The following RASGRF1 variants were observed in gnomAD, a reference collection of about 807,000 sequenced individuals.
The protein encoded by RASGRF1 is Ras protein specific guanine nucleotide releasing factor 1.
RASGRF1 carries 40 observed loss-of-function variants against 138.7 expected under a neutral mutation model. The observed-to-expected ratio is 0.29, with a 90% confidence interval of 0.22 to 0.38. RASGRF1 has a LOEUF of 0.38. Ranked by LOEUF, RASGRF1 falls within the 10% of genes least tolerant of loss-of-function variation. The pLI is 1.00. For missense variants in RASGRF1, 1,108 were observed against 1,650.4 expected, an observed-to-expected ratio of 0.67 and a Z score of 5.69; for synonymous variants, 614 against 663.2, an observed-to-expected ratio of 0.93 and a Z score of 1.14.
At chr15:79,023,434 A>G (rs934731068) in intron 10 of RASGRF1, among the ~76,000 whole-genome samples, 13 of 152,146 alleles carry the variant, frequency 8.5e-5, no homozygotes, top group African/African-American at 3.1e-4. Context: ...TGAGGGATGG[A>G]GCTGGGACTG....
chr15:79,075,638 G>A (rs184210748), intron 1 of RASGRF1, among the ~76,000 whole-genome samples: 1 of 152,254 alleles, frequency 6.6e-6, no homozygotes, highest in African/African-American at 2.4e-5. Context: ...ACCACTGACA[G>A]TGGGGTGACC....
At chr15:79,023,036 T>G (rs986458963) in intron 10 of RASGRF1, among the ~76,000 whole-genome samples, 4 of 151,966 alleles carry the variant, frequency 2.6e-5, no homozygotes, top group Non-Finnish European at 5.9e-5. Context: ...TAGCCGGGCA[T>G]GGTGGTGGGC....
In RASGRF1 at chr15:79,039,289, C is replaced by A. The variant is rs184871946; in HGVS notation, c.879-4079G>T. ...TCCAGCCTGGGCAACAGAGTGAGACCCTGTCTCAAAAAAAAAAAAAAAAAA... is the reference window on the plus strand; with the variant it reads ...TCCAGCCTGGGCAACAGAGTGAGACACTGTCTCAAAAAAAAAAAAAAAAAA... On this transcript the variant is annotated intron_variant, in intron 5 of 26. Transcript: ENST00000558480. 1.6e-3 allele frequency among the ~76,000 whole-genome samples: 215 copies of A among 131,662 alleles called. 9 individuals are homozygous for A. In the East Asian group the frequency reaches 0.042, roughly 26 times the overall value. 86.4% of individuals were successfully genotyped at this position (131,662 alleles called of 152,430 possible). A position where few individuals can be genotyped will look rare whatever the true frequency, so the allele number is the denominator to read the frequency against.
intron 3 of RASGRF1, among the ~76,000 whole-genome samples, chr15:79,051,312 G>A (rs551082263): frequency 2.2e-4 from 34 of 152,328 alleles, no homozygotes; most frequent in African/African-American, 7.2e-4. Flanking sequence ...ATTGAAGAGT[G>A]GCTGAAAATA....
rs1596305435 is a variant in RASGRF1 at position 78,964,433 on chromosome 15, C to T, written c.3682-2197G>A. Among the ~76,000 whole-genome samples the T allele has an allele frequency of 2.6e-5, 4 of 152,310 alleles. No individual in the cohort carries two copies. The South Asian group carries it at 8.3e-4, about 32-fold the overall frequency. On this transcript the variant is annotated intron_variant, in intron 26 of 26. Transcript: ENST00000558480. Reference sequence around the variant, plus strand: ...CAGGTGATCCGCCTGCCTCGGCCTCCCAAAGTGCTGGGATCACAGGCATGA... The same window carrying T: ...CAGGTGATCCGCCTGCCTCGGCCTCTCAAAGTGCTGGGATCACAGGCATGA...
intron 5 of RASGRF1, among the ~76,000 whole-genome samples, chr15:79,037,827 A>G (rs900198035): frequency 2.6e-5 from 4 of 152,066 alleles, no homozygotes; most frequent in Non-Finnish European, 4.4e-5. Flanking sequence ...TTTAGAATCA[A>G]TGGGAGCCCT....
chr15:78,967,754 A>C (rs2055671076), intron 26 of RASGRF1, among the ~76,000 whole-genome samples: 1 of 152,184 alleles, frequency 6.6e-6, no homozygotes, highest in African/African-American at 2.4e-5. Flanking sequence ...AAAAATATAA[A>C]AACTATGCAT....
chr15:79,007,713 C>T (rs190169184), intron 13 of RASGRF1, among the ~76,000 whole-genome samples: 34 of 151,210 alleles, frequency 2.2e-4, no homozygotes, highest in East Asian at 5.8e-4. Flanking sequence ...CACTATGCCT[C>T]GCTAATTTTT....
chr15:79,036,222 C>T (rs2057220499), intron 5 of RASGRF1, among the ~76,000 whole-genome samples: 1 of 152,190 alleles, frequency 6.6e-6, no homozygotes, highest in Non-Finnish European at 1.5e-5. Flanking sequence ...GCCTTGGAGA[C>T]GTGGGGGTTT....
In RASGRF1 at chr15:79,067,064, C is replaced by A. The variant is rs139153970; in HGVS notation, c.277-2538G>T. Among the ~76,000 whole-genome samples, 154 of 152,284 alleles carry A rather than the reference C, an allele frequency of 1.0e-3. 1 individual carries two copies. The highest frequency in any genetic ancestry group is 1.6e-3 in the Non-Finnish European group (106 of 68,016). On this transcript the variant is annotated intron_variant, in intron 1 of 26. Transcript: ENST00000558480. ...CTAACAAGCATCCTGCATCTGCTGT[C>A]CTCCTGGGATAGGAGACACTGCCTA...
At position 78,998,101 on chromosome 15, in the gene RASGRF1, G is replaced by T. The variant is rs760172178; in HGVS notation, c.2961C>A (p.Ile987=). The T allele has an allele frequency of 8.1e-6, 13 of 1,612,950 alleles. No individual in the cohort carries two copies. Among genetic ancestry groups the T allele is most frequent in the Middle Eastern group, 1.6e-4 (1 of 6,084 alleles). ...GAACCAGGTACTGCCTTTACCTGAT[G>T]ATGTTGGCTGCAGCCTTCCGCTCCT... ...LTQERKAAAN[I]IRTLTQEDPG... The change falls in exon 19 of 27, where the codon ATC becomes ATA. Residue 987 remains isoleucine, a synonymous_variant. Coordinates refer to ENST00000558480, the MANE Select transcript of RASGRF1 (RefSeq NM_001145648.3).
At chr15:78,972,606 G>A (rs1426637153) in intron 25 of RASGRF1, among the ~76,000 whole-genome samples, 1 of 152,102 alleles carries the variant, frequency 6.6e-6, no homozygotes, top group Non-Finnish European at 1.5e-5. Flanking sequence ...CTGTGCACAA[G>A]ACACGATGAA....
chr15:79,046,442 C>A lies in RASGRF1; in HGVS notation c.878+304G>T, dbSNP rs1474644221. Among the ~76,000 whole-genome samples the A allele has an allele frequency of 1.3e-5, 2 of 152,214 alleles. No homozygotes were observed. The highest frequency in any genetic ancestry group is 2.4e-5 in the African/African-American group (1 of 41,448). On this transcript the variant is annotated intron_variant, in intron 5 of 26. Coordinates refer to ENST00000558480, the MANE Select transcript of RASGRF1 (RefSeq NM_001145648.3). The surrounding 1 kb of genome is among the most constrained non-coding windows in gnomAD (Gnocchi z 5.3). ...CCCATTAGATGCCAACAGCAACCTC[C>A]CTCAAGTGGTGACAATCAACAATGT...
At chr15:79,054,937 C>A (rs993032155) in intron 3 of RASGRF1, among the ~76,000 whole-genome samples, 1 of 152,074 alleles carries the variant, frequency 6.6e-6, no homozygotes, top group African/African-American at 2.4e-5. Context: ...TGGGATGGGG[C>A]CTGAGGAAGC....
chr15:79,064,797 A>G, intron 1 of RASGRF1: 1 of 447,426 alleles, frequency 2.2e-6, no homozygotes, highest in Non-Finnish European at 4.0e-6. Context: ...ATTGCAAAAA[A>G]GCCAGTTTGA....
At position 79,001,694 on chromosome 15, in the gene RASGRF1, G is replaced by A; in HGVS notation, c.2543C>T (p.Thr848Ile). 6.2e-7 allele frequency: 1 copy of A among 1,611,852 alleles called. No homozygotes were observed. Among genetic ancestry groups the A allele is most frequent in the Non-Finnish European group, 8.5e-7 (1 of 1,178,018 alleles). ...ATTTTTGTTTTTGACTGATTTGGGTGTTGTTGGAGATTTAGTTGGTGATGT... is the reference window on the plus strand; with the variant it reads ...ATTTTTGTTTTTGACTGATTTGGGTATTGTTGGAGATTTAGTTGGTGATGT... Reference protein sequence around the residue: ...TETSPTKSPTTPKSVKNKNSS... With the variant: ...TETSPTKSPTIPKSVKNKNSS... The change falls in exon 16 of 27, where the codon ACA (threonine) becomes ATA (isoleucine). Residue 848 changes from threonine (T) to isoleucine (I), a missense_variant. By Grantham distance (89) the Thr-to-Ile change is moderately conservative. Coordinates refer to ENST00000558480, the MANE Select transcript of RASGRF1 (RefSeq NM_001145648.3).
At chr15:79,035,897 G>GA (rs1408513469) in intron 5 of RASGRF1, among the ~76,000 whole-genome samples, 1 of 152,222 alleles carries the variant, frequency 6.6e-6, no homozygotes, top group Non-Finnish European at 1.5e-5. Context: ...AGTCAGAGAA[G>GA]CCAAAAGACC....
At chr15:78,987,660 C>T (rs1221797151) in intron 22 of RASGRF1, among the ~76,000 whole-genome samples, 5 of 152,128 alleles carry the variant, frequency 3.3e-5, no homozygotes, top group Admixed American at 3.3e-4. Context: ...TGTACTACTG[C>T]ACTCCAGCCT....
At chr15:79,074,893 C>A (rs1158706232) in intron 1 of RASGRF1, among the ~76,000 whole-genome samples, 1 of 152,136 alleles carries the variant, frequency 6.6e-6, no homozygotes. Context: ...CTTTCCTAGA[C>A]CTGAAGTAAG....
Sources: allele counts gnomAD v4.1 joint callset (sites outside exome capture counted in the v4.1 genomes callset), GRCh38; gene constraint gnomAD v4.1.1; non-coding constraint Gnocchi (gnomAD v3.1); transcripts MANE v1.5; gene names NCBI Gene and HGNC (gene_info 2026-07-23, HGNC 2026-07-21).